The following STAG1 variants were observed in gnomAD, a reference collection of about 807,000 sequenced individuals.
STAG1 encodes the protein cohesin subunit SA-1.
STAG1 carries 26 observed loss-of-function variants against 170.9 expected under a neutral mutation model. That is an observed-to-expected ratio of 0.15 (90% CI 0.11 to 0.21). The LOEUF (loss-of-function observed/expected upper bound fraction) is 0.21, where lower values mean the gene tolerates loss of function less well. STAG1 is among the 10% of genes least tolerant of loss of function. The probability of loss-of-function intolerance (pLI) is 1.00; values close to 1 mark genes in which losing one functional copy is unlikely to be tolerated. For synonymous variants in STAG1, 514 were observed against 497.7 expected (o/e 1.03, Z -0.44); for missense variants, 964 against 1,509.5 (o/e 0.64, Z 5.99).
At chr3:136,425,523 A>G (rs1041507661) in intron 16 of STAG1, among the ~76,000 whole-genome samples, 2 of 152,090 alleles carry the variant, frequency 1.3e-5, no homozygotes, top group African/African-American at 2.4e-5. Context: ...TTCTCTGACT[A>G]TATCTTTTCA....
At chr3:136,522,326 C>T (rs779210390) in intron 6 of STAG1, among the ~76,000 whole-genome samples, 1 of 152,146 alleles carries the variant, frequency 6.6e-6, no homozygotes, top group Non-Finnish European at 1.5e-5. Context: ...GCAGACACTA[C>T]AGGAGAACGG....
At chr3:136,733,620 T>C (rs763181873) in intron 1 of STAG1, among the ~76,000 whole-genome samples, 18 of 152,322 alleles carry the variant, frequency 1.2e-4, no homozygotes, top group Admixed American at 3.3e-4. Flanking sequence ...TCCCAGACAA[T>C]GGACAATAGA....
chr3:136,658,901 T>C (rs1038434697), intron 1 of STAG1, among the ~76,000 whole-genome samples: 4 of 152,168 alleles, frequency 2.6e-5, no homozygotes, highest in African/African-American at 9.7e-5. Flanking sequence ...AAATCCACAG[T>C]ACACACCACA....
chr3:136,650,164 C>T (rs966317833), intron 1 of STAG1, among the ~76,000 whole-genome samples: 11 of 150,362 alleles, frequency 7.3e-5, no homozygotes, highest in Non-Finnish European at 1.5e-4. Context: ...GAAGCCCAGG[C>T]AGTCGAGGCT....
intron 21 of STAG1, among the ~76,000 whole-genome samples, chr3:136,407,025 G>T (rs1394731704): frequency 6.6e-6 from 1 of 151,886 alleles, no homozygotes; most frequent in Non-Finnish European, 1.5e-5. Context: ...TTCTCTTTTT[G>T]CAATCTCTTT....
chr3:136,418,360 C>CAAAAAAAAAAAAAAAAAA (rs767401141), intron 20 of STAG1, among the ~76,000 whole-genome samples: 6 of 49,762 alleles, frequency 1.2e-4, no homozygotes, highest in African/African-American at 4.3e-4. Context: ...ACTCTGTCTC[C>CAAAAAAAAAAAAAAAAAA]AAAAAAAAAA....
chr3:136,449,284 G>A lies in STAG1; in HGVS notation c.1428+2749C>T, dbSNP rs114192045. ...CTGTGAAAAATGCAATACAGGGCCA[G>A]GCGTGGTGGCTCACGCCTGTAATCC... On this transcript the variant is annotated intron_variant, in intron 14 of 33. Coordinates refer to ENST00000383202, the MANE Select transcript of STAG1 (RefSeq NM_005862.3). Among the ~76,000 whole-genome samples the A allele has an allele frequency of 7.8e-3, 1,183 of 152,254 alleles. 11 individuals are homozygous for A. The highest frequency in any genetic ancestry group is 0.014 in the Non-Finnish European group (926 of 68,020).
chr3:136,508,887 C>A (rs555420870), intron 7 of STAG1, among the ~76,000 whole-genome samples: 18 of 149,472 alleles, frequency 1.2e-4, no homozygotes, highest in East Asian at 3.9e-4. Context: ...CGCGCGTGCG[C>A]GAGAGAGAGA....
chr3:136,709,771 A>G (rs1188734359), intron 1 of STAG1, among the ~76,000 whole-genome samples: 1 of 151,762 alleles, frequency 6.6e-6, no homozygotes, highest in Non-Finnish European at 1.5e-5. Context: ...AAGGTAGCTC[A>G]TGCCTGTAAT....
chr3:136,720,665 C>G (rs1933195608), intron 1 of STAG1, among the ~76,000 whole-genome samples: 1 of 152,086 alleles, frequency 6.6e-6, no homozygotes, highest in Non-Finnish European at 1.5e-5. Context: ...TAGCTGGCGC[C>G]TGTAATCCTG....
At chr3:136,459,743 A>G (rs947118174) in intron 13 of STAG1, among the ~76,000 whole-genome samples, 1 of 152,242 alleles carries the variant, frequency 6.6e-6, no homozygotes, top group Non-Finnish European at 1.5e-5. Flanking sequence ...TGTAAATTAG[A>G]CAACACGCTC....
At chr3:136,488,647 A>G (rs917562110) in intron 9 of STAG1, among the ~76,000 whole-genome samples, 1 of 152,140 alleles carries the variant, frequency 6.6e-6, no homozygotes, top group African/African-American at 2.4e-5. Context: ...CTGATTACCT[A>G]CACTGATTAT....
intron 6 of STAG1, among the ~76,000 whole-genome samples, chr3:136,523,046 T>A (rs1169659282): frequency 3.9e-5 from 6 of 152,202 alleles, no homozygotes; most frequent in African/African-American, 1.4e-4. Context: ...CATAGGTCTT[T>A]ATAGCAGCAT....
chr3:136,655,488 G>A (rs1456913940), intron 1 of STAG1, among the ~76,000 whole-genome samples: 3 of 152,206 alleles, frequency 2.0e-5, no homozygotes, highest in Non-Finnish European at 4.4e-5. Flanking sequence ...AGTAGGCTGG[G>A]TGCTGTGGCT....
chr3:136,695,061 C>T (rs1052642629), intron 1 of STAG1, among the ~76,000 whole-genome samples: 2 of 152,132 alleles, frequency 1.3e-5, no homozygotes, highest in African/African-American at 4.8e-5. Context: ...CCTGAAGATA[C>T]CAACTAAGGT....
intron 1 of STAG1, among the ~76,000 whole-genome samples, chr3:136,674,457 T>C (rs1455333785): frequency 1.3e-5 from 2 of 152,196 alleles, no homozygotes; most frequent in Non-Finnish European, 2.9e-5. Flanking sequence ...CTGTCACTTA[T>C]ATAGTGATAG....
At chr3:136,679,296 T>A (rs1048298625) in intron 1 of STAG1, among the ~76,000 whole-genome samples, 1 of 151,832 alleles carries the variant, frequency 6.6e-6, no homozygotes, top group Admixed American at 6.6e-5. Flanking sequence ...AAAAGCAGCA[T>A]GGGCCAGGCA....
chr3:136,677,928 ATATATAT>A (rs1420539274), intron 1 of STAG1, among the ~76,000 whole-genome samples: 63 of 147,280 alleles, frequency 4.3e-4, no homozygotes, highest in Non-Finnish European at 3.3e-4. Context: ...TAGTACTTTG[ATATATAT>A]TATATATTAT....
At chr3:136,725,459 A>C (rs557789628) in intron 1 of STAG1, among the ~76,000 whole-genome samples, 2 of 152,344 alleles carry the variant, frequency 1.3e-5, no homozygotes, top group East Asian at 3.9e-4. Flanking sequence ...AAAAGTTATT[A>C]AGTATGCAGA....
Sources: allele counts gnomAD v4.1 joint callset (sites outside exome capture counted in the v4.1 genomes callset), GRCh38; gene constraint gnomAD v4.1.1; transcripts MANE v1.5; gene names NCBI Gene and HGNC (gene_info 2026-07-23, HGNC 2026-07-21).